MIA2: variants seen among roughly 807,000 people sequenced by gnomAD.
MIA2 encodes melanoma inhibitory activity protein 2.
Under a neutral mutation model 167.8 loss-of-function variants are expected in MIA2, and 127 were observed. That is an observed-to-expected ratio of 0.76 (90% confidence interval 0.66 to 0.88). The LOEUF (loss-of-function observed/expected upper bound fraction) is 0.88. MIA2 is among the 40% of genes least tolerant of loss of function. The probability of loss-of-function intolerance (pLI) is 0.00; values close to 1 mark genes in which losing one functional copy is unlikely to be tolerated. For synonymous variants in MIA2, 552 were observed against 541.9 expected, an observed-to-expected ratio of 1.02 and a Z score of -0.26; for missense variants, 1,690 against 1,624.7, an observed-to-expected ratio of 1.04 and a Z score of -0.69.
Position 39,247,558 on chromosome 14 carries a change from A to G in MIA2, c.984A>G (p.Glu328=). 6.2e-7 allele frequency: 1 copy of G among 1,614,098 alleles called. No individual in the cohort carries two copies. The highest frequency in any genetic ancestry group is 2.2e-5 in the East Asian group (1 of 44,862). Residue 328 remains glutamate, a synonymous_variant, in exon 4 of 29, where the codon GAA becomes GAG. Transcript: ENST00000640607. ...TTGGAGATGAGGATACAGGGCTTGA[A>G]TTAATAGCTGAAGAAAGCAATCCAC... ...LGFGDEDTGL[E]LIAEESNPPL...
chr14:39,252,048 A>G (rs72673388), intron 4 of MIA2, among the ~76,000 whole-genome samples: 10,664 of 134,594 alleles, frequency 0.079, 394 homozygotes, highest in African/African-American at 0.12. Context: ...GGGTTTTTTA[A>G]AAGTAATTTT....
chr14:39,245,821 AC>A, intron 3 of MIA2, among the ~76,000 whole-genome samples: 1 of 152,234 alleles, frequency 6.6e-6, no homozygotes, highest in East Asian at 1.9e-4. Flanking sequence ...GCCCTTATGG[AC>A]TGATCACCTC....
At chr14:39,357,179 G>C (rs551468627) in intron 23 of MIA2, among the ~76,000 whole-genome samples, 3 of 152,148 alleles carry the variant, frequency 2.0e-5, no homozygotes. Flanking sequence ...ATTATTTTGT[G>C]GGAGTCTTAG....
intron 23 of MIA2, among the ~76,000 whole-genome samples, chr14:39,382,787 T>C (rs2139369486): frequency 6.6e-6 from 1 of 152,322 alleles, no homozygotes; most frequent in Non-Finnish European, 1.5e-5. Flanking sequence ...GTCCAGACTT[T>C]TTATTTTCCT....
chr14:39,288,463 A>ATTTT (rs1371000878), intron 9 of MIA2, among the ~76,000 whole-genome samples: 7 of 29,914 alleles, frequency 2.3e-4, no homozygotes, highest in Admixed American at 1.6e-3. Flanking sequence ...ATATATATAT[A>ATTTT]TATATATATA....
intron 23 of MIA2, among the ~76,000 whole-genome samples, chr14:39,369,280 A>G (rs1292664394): frequency 6.6e-6 from 1 of 152,232 alleles, no homozygotes; most frequent in Non-Finnish European, 1.5e-5. Flanking sequence ...TAGTCACACT[A>G]GAAGCCCTTG....
intron 23 of MIA2, among the ~76,000 whole-genome samples, chr14:39,366,153 G>A (rs1278097785): frequency 6.6e-6 from 1 of 152,202 alleles, no homozygotes; most frequent in African/African-American, 2.4e-5. Flanking sequence ...TGGAGACTGT[G>A]GTGAGGTTTT....
chr14:39,254,836 C>T (rs1194802054), intron 6 of MIA2, among the ~76,000 whole-genome samples: 13 of 152,190 alleles, frequency 8.5e-5, no homozygotes, highest in Non-Finnish European at 1.3e-4. Context: ...GGTCTAACAT[C>T]CGATGGTGGC....
At chr14:39,303,640 C>A in intron 16 of MIA2, 116 bp downstream of exon 16, 1 of 634,250 alleles carries the variant, frequency 1.6e-6, no homozygotes. Flanking sequence ...AATATATTTA[C>A]AAATTATCAG....
At chr14:39,254,760 C>T (rs1192865008) in intron 6 of MIA2, among the ~76,000 whole-genome samples, 1 of 152,172 alleles carries the variant, frequency 6.6e-6, no homozygotes, top group Admixed American at 6.5e-5. Flanking sequence ...AAATAAAACA[C>T]CATGCAGTTC....
intron 11 of MIA2, among the ~76,000 whole-genome samples, chr14:39,293,628 T>G (rs2061019284): frequency 1.3e-5 from 2 of 152,188 alleles, no homozygotes; most frequent in Non-Finnish European, 2.9e-5. Flanking sequence ...AAATAAAAAC[T>G]GAATAATCAT....
rs1468099814 is a variant in MIA2, at chr14:39,247,636, A to G, written c.1062A>G (p.Pro354=). ...SISSDKEATV[P]CTEILTEKKD... ...CATCTGATAAAGAAGCCACAGTTCC[A>G]TGTACAGAAATATTAACAGAAAAAA... Residue 354 remains proline (P), a synonymous_variant, in exon 4 of 29, where the codon CCA becomes CCG. Coordinates refer to ENST00000640607, the MANE Select transcript of MIA2 (RefSeq NM_001329214.4). The G allele has an allele frequency of 8.1e-6, 13 of 1,611,972 alleles. No individual in the cohort carries two copies. The highest frequency in any genetic ancestry group is 1.1e-5 in the Non-Finnish European group (13 of 1,179,520).
intron 23 of MIA2, among the ~76,000 whole-genome samples, chr14:39,379,992 AGAC>A (rs2075121910): frequency 6.6e-6 from 1 of 152,248 alleles, no homozygotes; most frequent in Non-Finnish European, 1.5e-5. Context: ...GAGTACATTT[AGAC>A]AACCCACAAG....
At chr14:39,319,383 C>T (rs1304609404) in intron 23 of MIA2, 92 bp downstream of exon 23, 1 of 546,862 alleles carries the variant, frequency 1.8e-6, no homozygotes, top group Non-Finnish European at 2.8e-6. Context: ...TAAGTTAACA[C>T]TGTTATTTAT....
In MIA2 at chr14:39,348,994, T is replaced by G. The variant is rs756800272; in HGVS notation, c.4072+17T>G. On this transcript the variant is annotated intron_variant, in intron 28 of 28. Transcript: ENST00000640607. ...CATTTGCAAGTATGCTTTTTTAAAC[T>G]TTTTTTTTAAAGCTCAATATGTGGT... is the stretch of plus-strand genomic sequence containing the variant. The G allele has an allele frequency of 1.3e-6, 2 of 1,536,774 alleles. No individual in the cohort carries two copies. The highest frequency in any genetic ancestry group is 1.8e-6 in the Non-Finnish European group (2 of 1,119,450).
intron 23 of MIA2, among the ~76,000 whole-genome samples, chr14:39,357,311 C>T (rs1363003602): frequency 1.3e-5 from 2 of 152,088 alleles, no homozygotes; most frequent in Non-Finnish European, 2.9e-5. Context: ...ATGTAATGGC[C>T]TTGTTTGTCT....
At chr14:39,291,603 C>CA (rs2060747886) in intron 10 of MIA2, among the ~76,000 whole-genome samples, 1 of 151,598 alleles carries the variant, frequency 6.6e-6, no homozygotes, top group Non-Finnish European at 1.5e-5. Flanking sequence ...TGTTTGACAA[C>CA]TTTTTTTTTA....
chr14:39,294,627 C>T (rs1350008740), intron 12 of MIA2, among the ~76,000 whole-genome samples: 1 of 151,996 alleles, frequency 6.6e-6, no homozygotes, highest in African/African-American at 2.4e-5. Context: ...ACAAAAAAGT[C>T]CCCAGGAAGT....
intron 25 of MIA2, among the ~76,000 whole-genome samples, chr14:39,332,294 A>G (rs1336223350): frequency 1.3e-5 from 2 of 152,132 alleles, no homozygotes; most frequent in Non-Finnish European, 2.9e-5. Context: ...TGGCTGCATC[A>G]GGTCATTTAT....
Sources: allele counts gnomAD v4.1 joint callset (sites outside exome capture counted in the v4.1 genomes callset), GRCh38; gene constraint gnomAD v4.1.1; transcripts MANE v1.5; gene names NCBI Gene and HGNC (gene_info 2026-07-23, HGNC 2026-07-21).